Variants in CCSER2 observed in about 807,000 individuals in gnomAD.
CCSER2 encodes serine-rich coiled-coil domain-containing protein 2.
In CCSER2, 46 loss-of-function variants were observed where a neutral mutation model predicts 92.3. The ratio of observed to expected loss-of-function variants is 0.50; its 90% CI spans 0.39 to 0.64. CCSER2 has a LOEUF of 0.64. Among genes scored for constraint, CCSER2 ranks in the 30% least tolerant of loss-of-function variants. The probability of loss-of-function intolerance (pLI) is 0.00; values close to 1 mark genes in which losing one functional copy is unlikely to be tolerated. For synonymous variants in CCSER2, 433 were observed against 431.4 expected (o/e 1.00, Z -0.04); for missense variants, 1,244 against 1,238.9 (o/e 1.00, Z -0.06).
intron 8 of CCSER2, among the ~76,000 whole-genome samples, chr10:84,475,590 A>T (rs1245441306): frequency 6.6e-6 from 1 of 152,186 alleles, no homozygotes; most frequent in Non-Finnish European, 1.5e-5. Context: ...ATAGGTTGAA[A>T]ATAATCCCAA....
intron 9 of CCSER2, chr10:84,499,855 C>G (rs771747045): frequency 6.2e-7 from 1 of 1,613,220 alleles, no homozygotes; most frequent in African/African-American, 1.3e-5. Context: ...TACCTCCCTA[C>G]CCCATCTCTC....
intron 8 of CCSER2, among the ~76,000 whole-genome samples, chr10:84,476,181 G>C (rs1847126144): frequency 6.6e-6 from 1 of 152,118 alleles, no homozygotes; most frequent in African/African-American, 2.4e-5. Context: ...TTAGGAATGG[G>C]AAATATGTCT....
chr10:84,331,377 A>G (rs760554434), intron 1 of CCSER2, among the ~76,000 whole-genome samples: 1 of 152,164 alleles, frequency 6.6e-6, no homozygotes. Context: ...ATTTGGGGAT[A>G]TGGGAGAAAC....
intron 1 of CCSER2, among the ~76,000 whole-genome samples, chr10:84,354,951 C>G (rs1045288096): frequency 3.9e-5 from 6 of 152,050 alleles, no homozygotes; most frequent in African/African-American, 1.4e-4. Context: ...AATCACTCAT[C>G]CATTTATTTG....
intron 3 of CCSER2, among the ~76,000 whole-genome samples, chr10:84,380,118 A>T (rs1022055361): frequency 1.3e-5 from 2 of 152,214 alleles, no homozygotes; most frequent in African/African-American, 2.4e-5. Flanking sequence ...CCAGTAGAGG[A>T]TGAGAATTTC....
At chr10:84,337,172 T>TA (rs1372003278) in intron 1 of CCSER2, among the ~76,000 whole-genome samples, 7 of 152,344 alleles carry the variant, frequency 4.6e-5, no homozygotes, top group African/African-American at 1.7e-4. Flanking sequence ...AGAGAGATAG[T>TA]ATGTAATGCC....
intron 1 of CCSER2, among the ~76,000 whole-genome samples, chr10:84,340,700 A>G (rs1255142041): frequency 1.3e-5 from 2 of 150,614 alleles, no homozygotes; most frequent in Non-Finnish European, 2.9e-5. Context: ...CCTGACACTC[A>G]TCCCCTAAAC....
intron 5 of CCSER2, among the ~76,000 whole-genome samples, chr10:84,434,963 G>GT (rs1277149181): frequency 3.3e-5 from 5 of 152,110 alleles, no homozygotes; most frequent in African/African-American, 1.2e-4. Context: ...GAGTTGAAAA[G>GT]TATATAGGTT....
At chr10:84,513,252 A>AT (rs1045000531) in intron 9 of CCSER2, among the ~76,000 whole-genome samples, 197 bp from the exon 10 acceptor site, 1 of 151,938 alleles carries the variant, frequency 6.6e-6, no homozygotes, top group Admixed American at 6.6e-5. Flanking sequence ...TGCCTGTATC[A>AT]TTTTTTGTTT....
At chr10:84,445,432 C>T (rs1379764674) in intron 6 of CCSER2, among the ~76,000 whole-genome samples, 3 of 152,186 alleles carry the variant, frequency 2.0e-5, no homozygotes, top group Admixed American at 6.5e-5. Context: ...GGATTACAGG[C>T]GTGAGCCACC....
At position 84,465,314 on chromosome 10, in the gene CCSER2, ATTTTTTTTTTTTT is replaced by A. The variant is rs34510394; in HGVS notation, c.2148+1315_2148+1327del. Among the ~76,000 whole-genome samples the A allele has an allele frequency of 1.4e-4, 7 of 49,898 alleles. No homozygotes were observed. In the East Asian group the frequency reaches 1.7e-3, roughly 12 times the overall value. The allele number at this position is 49,898 out of a possible 152,430, so 32.7% of individuals were successfully genotyped here. ...GTGAAAAAGTTTTTTACATGTAAAG[ATTTTTTTTTTTTT>A]TTTTTTTTTTTTTTTTAGACGGAGC... On this transcript the variant is annotated intron_variant, in intron 7 of 9. Coordinates refer to ENST00000372088, the MANE Select transcript of CCSER2 (RefSeq NM_001284240.2).
chr10:84,357,595 G>C (rs1355218346), intron 1 of CCSER2, among the ~76,000 whole-genome samples: 1 of 151,898 alleles, frequency 6.6e-6, no homozygotes, highest in East Asian at 1.9e-4. Flanking sequence ...GACTACAGGT[G>C]CCTGCCACCT....
At chr10:84,362,120 A>G (rs189045982) in intron 1 of CCSER2, among the ~76,000 whole-genome samples, 3 of 152,270 alleles carry the variant, frequency 2.0e-5, no homozygotes, top group Admixed American at 2.0e-4. Context: ...TCTTCCATCC[A>G]TGTTAATGTT....
chr10:84,389,444 A>T, intron 3 of CCSER2: 1 of 435,504 alleles, frequency 2.3e-6, no homozygotes. Flanking sequence ...AGAAGGTACC[A>T]CGTCAATCTG....
intron 1 of CCSER2, among the ~76,000 whole-genome samples, chr10:84,329,520 TAG>T (rs199926691): frequency 0.02 from 2,994 of 152,324 alleles, 45 homozygotes; most frequent in South Asian, 0.07. Context: ...GGTCTCAGAT[TAG>T]AGTGTTGGTA....
chr10:84,415,070 C>A (rs1842828818), intron 3 of CCSER2, among the ~76,000 whole-genome samples: 2 of 152,260 alleles, frequency 1.3e-5, no homozygotes, highest in South Asian at 4.2e-4. Flanking sequence ...TTCTGAGCTT[C>A]TTTGCATTGG....
chr10:84,360,823 T>G (rs1315899312), intron 1 of CCSER2, among the ~76,000 whole-genome samples: 2 of 152,246 alleles, frequency 1.3e-5, no homozygotes, highest in African/African-American at 4.8e-5. Flanking sequence ...TTCCGGGTGA[T>G]TCTGATACAC....
chr10:84,480,338 A>C (rs1222592439), intron 9 of CCSER2, among the ~76,000 whole-genome samples: 1 of 152,192 alleles, frequency 6.6e-6, no homozygotes, highest in African/African-American at 2.4e-5. Context: ...CTTGTATTTT[A>C]AATTACTGAG....
At chr10:84,360,913 A>G (rs1845464490) in intron 1 of CCSER2, among the ~76,000 whole-genome samples, 1 of 152,196 alleles carries the variant, frequency 6.6e-6, no homozygotes, top group Non-Finnish European at 1.5e-5. Flanking sequence ...TTACTCTCAC[A>G]TAAATGGATC....
Sources: allele counts gnomAD v4.1 joint callset (sites outside exome capture counted in the v4.1 genomes callset), GRCh38; gene constraint gnomAD v4.1.1; transcripts MANE v1.5; gene names NCBI Gene and HGNC (gene_info 2026-07-23, HGNC 2026-07-21).